The following NCLN variants were observed in gnomAD, a reference collection of about 807,000 sequenced individuals.
NCLN encodes the protein BOS complex subunit NCLN.
Under a neutral mutation model 69.5 loss-of-function variants are expected in NCLN, and 34 were observed. The ratio of observed to expected loss-of-function variants is 0.49; its 90% CI spans 0.37 to 0.65. The LOEUF (loss-of-function observed/expected upper bound fraction) is 0.65, where lower values mean the gene tolerates loss of function less well. Ranked by LOEUF, NCLN falls within the 30% of genes least tolerant of loss-of-function variation. NCLN has a pLI of 0.00. For missense variants in NCLN, 710 were observed against 804.8 expected, an observed-to-expected ratio of 0.88 and a Z score of 1.42; for synonymous variants, 393 against 358.3, an observed-to-expected ratio of 1.10 and a Z score of -1.09.
chr19:3,202,258 G>A lies in NCLN; in HGVS notation c.800+632G>A, dbSNP rs184760150. ...AATCCCAGGAGCTGGGGTCCCCCTG[G>A]TTTATCCCGTCTACCCCGTTGGGAG... On this transcript the variant is annotated intron_variant, in intron 6 of 14. Transcript: ENST00000246117. Among the ~76,000 whole-genome samples the A allele has an allele frequency of 4.6e-4, 70 of 152,318 alleles. 1 individual carries two copies. The highest frequency in any genetic ancestry group is 4.6e-3 in the Admixed American group (70 of 15,302).
chr19:3,192,943 G>A (rs946673543), intron 2 of NCLN, among the ~76,000 whole-genome samples: 6 of 152,170 alleles, frequency 3.9e-5, no homozygotes, highest in Admixed American at 2.0e-4. Flanking sequence ...GCCCCAGACA[G>A]TGATCTGGCC....
chr19:3,195,174 T>C (rs1397879119), intron 3 of NCLN, among the ~76,000 whole-genome samples: 1 of 107,914 alleles, frequency 9.3e-6, no homozygotes, highest in African/African-American at 3.8e-5. Context: ...AGTACGATAC[T>C]CCGACTTGAA....
intron 4 of NCLN, among the ~76,000 whole-genome samples, chr19:3,197,504 C>T (rs540371090): frequency 2.0e-5 from 3 of 152,304 alleles, no homozygotes; most frequent in South Asian, 2.1e-4. Flanking sequence ...TGCAGTGGCG[C>T]GATCTCTGCT....
At chr19:3,196,635 C>T (rs1915964732) in intron 4 of NCLN, among the ~76,000 whole-genome samples, 1 of 152,234 alleles carries the variant, frequency 6.6e-6, no homozygotes, top group Non-Finnish European at 1.5e-5. Context: ...AGCCCCCTCT[C>T]ATCACATAAC....
At chr19:3,201,942 G>C (rs1003427604) in intron 6 of NCLN, among the ~76,000 whole-genome samples, 8 of 152,116 alleles carry the variant, frequency 5.3e-5, no homozygotes, top group African/African-American at 1.9e-4. Context: ...GTCGGGGCCG[G>C]ATTTTTCGCT....
At chr19:3,199,981 T>C (rs1278624272) in intron 5 of NCLN, among the ~76,000 whole-genome samples, 1 of 152,114 alleles carries the variant, frequency 6.6e-6, no homozygotes, top group Non-Finnish European at 1.5e-5. Flanking sequence ...ATTACAGGCC[T>C]GAGCCACCGC....
In NCLN at chr19:3,186,160, C is replaced by G. The variant is rs971436642; in HGVS notation, c.130C>G (p.His44Asp). Residue 44 changes from histidine to aspartate, a missense_variant, in exon 1 of 15, where the codon CAC (histidine) becomes GAC (aspartate). Physicochemically the swap from His to Asp is moderately conservative, Grantham distance 81 (BLOSUM62 -1). Coordinates refer to ENST00000246117, the MANE Select transcript of NCLN (RefSeq NM_020170.4). ...APPLPAADAAHEFTVYRMQQY... is the reference protein window; with the variant it reads ...APPLPAADAADEFTVYRMQQY... Reference sequence around the variant, plus strand: ...GCCGCTGCCTGCCGCCGACGCCGCGCACGAGTTCACCGTGTACCGCATGCA... The same window carrying G: ...GCCGCTGCCTGCCGCCGACGCCGCGGACGAGTTCACCGTGTACCGCATGCA... 10 of 1,595,662 alleles carry G rather than the reference C, an allele frequency of 6.3e-6. No homozygotes were observed. The highest frequency in any genetic ancestry group is 8.5e-6 in the Non-Finnish European group (10 of 1,173,484).
chr19:3,199,402 C>G (rs1326132033), intron 5 of NCLN, among the ~76,000 whole-genome samples: 1 of 152,268 alleles, frequency 6.6e-6, no homozygotes, highest in Non-Finnish European at 1.5e-5. Flanking sequence ...AGCGAGACTT[C>G]CAGAGACCCA....
At chr19:3,201,727 G>T in intron 6 of NCLN, 101 bp downstream of exon 6, 1 of 1,038,764 alleles carries the variant, frequency 9.6e-7, no homozygotes, top group Non-Finnish European at 1.4e-6. Flanking sequence ...GGAGCCTCCT[G>T]GCCCCAAAGT....
chr19:3,198,680 G>A (rs907748087), intron 4 of NCLN, 137 bp from the exon 5 acceptor site: 9 of 565,396 alleles, frequency 1.6e-5, no homozygotes, highest in Non-Finnish European at 2.7e-5. Flanking sequence ...CACCTCCTGT[G>A]GTCCTCAGTG....
chr19:3,201,186 C>G (rs1377795196), intron 5 of NCLN, among the ~76,000 whole-genome samples: 1 of 152,218 alleles, frequency 6.6e-6, no homozygotes, highest in Non-Finnish European at 1.5e-5. Flanking sequence ...CGAATCTGGC[C>G]TGGCCCTGGG....
At chr19:3,186,948 T>G (rs1330559938) in intron 1 of NCLN, among the ~76,000 whole-genome samples, 13 of 152,114 alleles carry the variant, frequency 8.5e-5, no homozygotes, top group Admixed American at 8.5e-4. Flanking sequence ...CTGGTCCCAG[T>G]TCGTGAGTCA....
intron 1 of NCLN, among the ~76,000 whole-genome samples, chr19:3,191,822 G>A (rs1915834108): frequency 6.6e-6 from 1 of 152,184 alleles, no homozygotes; most frequent in South Asian, 2.1e-4. Context: ...GCCGAGCCCT[G>A]GTCTAGGATC....
At chr19:3,188,753 C>T (rs1279432762) in intron 1 of NCLN, among the ~76,000 whole-genome samples, 3 of 152,228 alleles carry the variant, frequency 2.0e-5, no homozygotes, top group African/African-American at 4.8e-5. Flanking sequence ...CCGGGGTGAG[C>T]GGAGGAGCCC....
At chr19:3,206,668 C>T (rs1464851751) in intron 12 of NCLN, among the ~76,000 whole-genome samples, 1 of 152,058 alleles carries the variant, frequency 6.6e-6, no homozygotes, top group African/African-American at 2.4e-5. Flanking sequence ...AAACCTCATC[C>T]CTACTAAAAA....
chr19:3,205,861 T>G lies in NCLN; in HGVS notation c.1209-78T>G. 1.5e-6 allele frequency: 2 copies of G among 1,291,286 alleles called. No individual in the cohort carries two copies. The highest frequency in any genetic ancestry group is 1.1e-6 in the Non-Finnish European group (1 of 894,040). The allele number at this position is 1,291,286 out of a possible 1,614,324, so 80.0% of individuals were successfully genotyped here. On this transcript the variant is annotated intron_variant, in intron 9 of 14. Transcript: ENST00000246117. The surrounding 1 kb of genome is among the most constrained non-coding windows in gnomAD (Gnocchi z 4.6). ...AGTCTCACGGTCTCCTAGGCTGGAG[T>G]GCTGGGATTACAAGTGTGAGAGCTA...
At position 3,192,543 on chromosome 19, in the gene NCLN, C is replaced by T. The variant is rs1197057662; in HGVS notation, c.258C>T (p.Leu86=). 3.1e-6 allele frequency: 5 copies of T among 1,610,030 alleles called. No homozygotes were observed. Among genetic ancestry groups the T allele is most frequent in the Non-Finnish European group, 4.2e-6 (5 of 1,178,776 alleles). The stretch of plus-strand genomic sequence containing the variant: ...AGGTGCTGAGCCGCCGCTGCGTGCT[C>T]ATGCGGCTACTGGACTTCTCCTACG... ...AAEVLSRRCV[L]MRLLDFSYEQ... The change falls in exon 2 of 15, where the codon CTC becomes CTT. Residue 86 remains leucine, a synonymous_variant. Coordinates refer to ENST00000246117, the MANE Select transcript of NCLN (RefSeq NM_020170.4).
intron 1 of NCLN, 57 bp downstream of exon 1, chr19:3,186,271 G>A: frequency 7.2e-7 from 1 of 1,398,358 alleles, no homozygotes; most frequent in Non-Finnish European, 9.3e-7. Flanking sequence ...ACGCCACTCC[G>A]GCCCGGCGAT....
intron 1 of NCLN, among the ~76,000 whole-genome samples, chr19:3,189,837 G>C (rs970543576): frequency 6.6e-6 from 1 of 152,232 alleles, no homozygotes; most frequent in East Asian, 1.9e-4. Flanking sequence ...GCGAGCGGGG[G>C]CTGGGATCCA....
Sources: gnomAD v4.1 joint callset for allele counts (sites outside exome capture counted in the v4.1 genomes callset) on GRCh38, gnomAD v4.1.1 for gene constraint, Gnocchi (gnomAD v3.1) non-coding constraint, MANE v1.5 for transcripts, NCBI Gene and HGNC (gene_info 2026-07-23, HGNC 2026-07-21) for gene names.